PTPRT: variants seen among roughly 807,000 people sequenced by gnomAD.
The protein encoded by PTPRT is protein tyrosine phosphatase receptor type T, also known as receptor-type tyrosine-protein phosphatase T.
A neutral mutation model predicts 176.8 loss-of-function variants in PTPRT; 56 were observed. The observed-to-expected ratio is 0.32, with a 90% CI of 0.26 to 0.40. The LOEUF (loss-of-function observed/expected upper bound fraction) is 0.40. Ranked by LOEUF, PTPRT falls within the 10% of genes least tolerant of loss-of-function variation. PTPRT has a pLI of 1.00. For synonymous variants in PTPRT, 783 were observed against 739.0 expected (o/e 1.06, Z -0.96); for missense variants, 1,540 against 1,908.2 (o/e 0.81, Z 3.60).
intron 7 of PTPRT, among the ~76,000 whole-genome samples, chr20:42,581,272 A>C (rs2073365739): frequency 6.6e-6 from 1 of 151,988 alleles, no homozygotes; most frequent in Non-Finnish European, 1.5e-5. Flanking sequence ...ATTATTAACC[A>C]CTTCTACTGC....
chr20:42,746,757 C>T (rs927493363), intron 6 of PTPRT, among the ~76,000 whole-genome samples: 5 of 152,156 alleles, frequency 3.3e-5, no homozygotes, highest in African/African-American at 1.2e-4. Flanking sequence ...GTTGAGGTTT[C>T]TCTGCTTTGA....
rs576401643 is a variant in PTPRT, at chr20:42,495,721, C to G, written c.1154-23159G>C. ...ATACAGGTTAAAATATAACAAATTCCCCAAACCTAGCACCTAAGATACTGA... is the reference window on the plus strand; with the variant it reads ...ATACAGGTTAAAATATAACAAATTCGCCAAACCTAGCACCTAAGATACTGA... On this transcript the variant is annotated intron_variant, in intron 7 of 30. Transcript: ENST00000373187. 2.5e-3 allele frequency among the ~76,000 whole-genome samples: 384 copies of G among 152,202 alleles called. 1 individual carries two copies. The highest frequency in any genetic ancestry group is 3.1e-3 in the Non-Finnish European group (212 of 68,012).
chr20:42,869,877 C>T (rs943715073), intron 2 of PTPRT, among the ~76,000 whole-genome samples: 2 of 152,124 alleles, frequency 1.3e-5, no homozygotes, highest in African/African-American at 2.4e-5. Flanking sequence ...TTAAGTAATG[C>T]GGTCAGAGCC....
At chr20:42,305,437 G>A (rs1292840454) in intron 12 of PTPRT, among the ~76,000 whole-genome samples, 2 of 151,366 alleles carry the variant, frequency 1.3e-5, no homozygotes, top group Admixed American at 6.6e-5. Context: ...CTATATATAT[G>A]CATGCTAAAA....
At chr20:42,513,777 C>G (rs1448243390) in intron 7 of PTPRT, among the ~76,000 whole-genome samples, 1 of 152,110 alleles carries the variant, frequency 6.6e-6, no homozygotes, top group African/African-American at 2.4e-5. Flanking sequence ...AAGAAACACC[C>G]ATTTTTCTGA....
At chr20:43,052,421 G>A (rs1394387239) in intron 1 of PTPRT, among the ~76,000 whole-genome samples, 2 of 152,222 alleles carry the variant, frequency 1.3e-5, no homozygotes, top group African/African-American at 4.8e-5. Context: ...CATGTACCAT[G>A]CAAGGGTTGG....
intron 13 of PTPRT, among the ~76,000 whole-genome samples, chr20:42,277,249 C>T (rs928374916): frequency 6.6e-6 from 1 of 152,148 alleles, no homozygotes; most frequent in Non-Finnish European, 1.5e-5. Context: ...CTGTGGCTGT[C>T]TTCTGCAAAG....
At chr20:42,353,516 G>A (rs914679162) in intron 9 of PTPRT, among the ~76,000 whole-genome samples, 5 of 152,208 alleles carry the variant, frequency 3.3e-5, no homozygotes, top group Non-Finnish European at 7.3e-5. Context: ...GTCTACACCT[G>A]TGGAATGATT....
chr20:42,753,532 C>A (rs909552722), intron 6 of PTPRT, among the ~76,000 whole-genome samples: 1 of 152,202 alleles, frequency 6.6e-6, no homozygotes, highest in African/African-American at 2.4e-5. Flanking sequence ...TGCCAACCCC[C>A]CACTGTTCAA....
At chr20:42,346,344 A>G (rs1421440974) in intron 11 of PTPRT, among the ~76,000 whole-genome samples, 4 of 152,178 alleles carry the variant, frequency 2.6e-5, no homozygotes, top group South Asian at 4.1e-4. Context: ...TTTCTTATGA[A>G]GGTTAGTACG....
chr20:42,369,403 G>T (rs1007322682), intron 9 of PTPRT, among the ~76,000 whole-genome samples: 4 of 152,190 alleles, frequency 2.6e-5, no homozygotes. Context: ...AAATCTGGGT[G>T]CATCTGGAGA....
chr20:42,145,462 T>G (rs1441041318), intron 17 of PTPRT, among the ~76,000 whole-genome samples: 1 of 152,048 alleles, frequency 6.6e-6, no homozygotes, highest in Non-Finnish European at 1.5e-5. Context: ...ATCACGCCAC[T>G]GCACTCCTGC....
intron 2 of PTPRT, among the ~76,000 whole-genome samples, chr20:42,813,502 G>T (rs1366917279): frequency 6.7e-6 from 1 of 148,522 alleles, no homozygotes; most frequent in African/African-American, 2.5e-5. Flanking sequence ...TAGTATTTGT[G>T]GTATGCTTTA....
At chr20:42,145,007 C>T (rs1988797060) in intron 17 of PTPRT, among the ~76,000 whole-genome samples, 1 of 152,110 alleles carries the variant, frequency 6.6e-6, no homozygotes, top group Non-Finnish European at 1.5e-5. Flanking sequence ...TTAAGTCAAC[C>T]TGGGTGAGTC....
At chr20:43,062,840 GA>G (rs1987528820) in intron 1 of PTPRT, among the ~76,000 whole-genome samples, 1 of 152,136 alleles carries the variant, frequency 6.6e-6, no homozygotes, top group East Asian at 1.9e-4. Flanking sequence ...TCATTGAGGG[GA>G]AAAGAATCCT....
At chr20:42,436,085 A>G (rs536806175) in intron 9 of PTPRT, among the ~76,000 whole-genome samples, 2 of 152,342 alleles carry the variant, frequency 1.3e-5, no homozygotes, top group South Asian at 2.1e-4. Flanking sequence ...CTCTCACCCT[A>G]TGCAAAAATT....
At chr20:42,754,577 C>T (rs1451815890) in intron 6 of PTPRT, among the ~76,000 whole-genome samples, 2 of 152,194 alleles carry the variant, frequency 1.3e-5, no homozygotes, top group African/African-American at 4.8e-5. Flanking sequence ...GCCACCATAC[C>T]GGGCCACACA....
At chr20:42,649,232 G>C (rs936583675) in intron 7 of PTPRT, among the ~76,000 whole-genome samples, 2 of 152,098 alleles carry the variant, frequency 1.3e-5, no homozygotes, top group Non-Finnish European at 1.5e-5. Flanking sequence ...CAGGCAAAGA[G>C]GGAGAGCTTG....
At position 42,539,473 on chromosome 20, in the gene PTPRT, T is replaced by A. The variant is rs1448398776; in HGVS notation, c.1154-66911A>T. On this transcript the variant is annotated intron_variant, in intron 7 of 30. Coordinates refer to ENST00000373187, the MANE Select transcript of PTPRT (RefSeq NM_007050.6). ...CTTAAATAAATGATCAATTTATCAA[T>A]GTCCTTAATTGTGATCTAATCTGCC... Among the ~76,000 whole-genome samples, 6 of 151,196 alleles carry A rather than the reference T, an allele frequency of 4.0e-5. No homozygotes were observed. The East Asian group carries it at 9.8e-4, about 25-fold the overall frequency.
Sources: gnomAD v4.1 joint callset for allele counts (sites outside exome capture counted in the v4.1 genomes callset) on GRCh38, gnomAD v4.1.1 for gene constraint, MANE v1.5 for transcripts, NCBI Gene and HGNC (gene_info 2026-07-23, HGNC 2026-07-21) for gene names.